SLC4A4: variants seen among roughly 807,000 people sequenced by gnomAD.
SLC4A4 encodes solute carrier family 4 member 4, also known as electrogenic sodium bicarbonate cotransporter 1.
SLC4A4 carries 27 observed loss-of-function variants against 111.5 expected under a neutral mutation model. The observed-to-expected ratio is 0.24, with a 90% CI of 0.18 to 0.33. The LOEUF (loss-of-function observed/expected upper bound fraction) is 0.33, where lower values mean the gene tolerates loss of function less well. Among genes scored for constraint, SLC4A4 ranks in the 10% least tolerant of loss-of-function variants. The pLI is 1.00. For synonymous variants in SLC4A4, 443 were observed against 463.4 expected (o/e 0.96, Z 0.57); for missense variants, 909 against 1,315.5 (o/e 0.69, Z 4.78).
rs1062679 is a variant in SLC4A4 at position 71,568,689 on chromosome 4, G to C, written c.*938G>C. 37,279 of 151,800 alleles carry C rather than the reference G, an allele frequency of 0.25. 4,884 individuals are homozygous for C. The highest frequency in any genetic ancestry group is 0.37 in the Admixed American group (5,651 of 15,138). 9.4% of individuals were successfully genotyped at this position (151,800 alleles called of 1,614,324 possible). A position where few individuals can be genotyped will look rare whatever the true frequency, so the allele number is the denominator to read the frequency against. On this transcript the variant is annotated 3_prime_UTR_variant, in exon 26 of 26. Transcript: ENST00000264485. ...TTCCTGCAGCAGGAAACATAGTTTTGAGTAGTTCTACCTCTTATTTGTAGC... is the reference window on the plus strand; with the variant it reads ...TTCCTGCAGCAGGAAACATAGTTTTCAGTAGTTCTACCTCTTATTTGTAGC...
At chr4:71,291,551 C>A (rs946538350) in intron 3 of SLC4A4, among the ~76,000 whole-genome samples, 1 of 151,962 alleles carries the variant, frequency 6.6e-6, no homozygotes, top group Non-Finnish European at 1.5e-5. Flanking sequence ...GCAATCCTCT[C>A]GTCTCAGCCT....
intron 3 of SLC4A4, among the ~76,000 whole-genome samples, chr4:71,317,043 A>G (rs893639737): frequency 4.0e-5 from 6 of 150,064 alleles, no homozygotes; most frequent in Non-Finnish European, 7.4e-5. Context: ...AAAGTTCTCT[A>G]GACAGGGCTG....
chr4:71,127,686 T>C (rs960094593), intron 2 of SLC4A4, among the ~76,000 whole-genome samples: 2 of 152,228 alleles, frequency 1.3e-5, no homozygotes, highest in African/African-American at 4.8e-5. Flanking sequence ...TAAGATATGT[T>C]ATATAAAGTA....
intron 15 of SLC4A4, among the ~76,000 whole-genome samples, chr4:71,491,253 T>A (rs1026875717): frequency 2.0e-5 from 3 of 151,876 alleles, no homozygotes; most frequent in Admixed American, 2.0e-4. Context: ...TCTAAATAAG[T>A]ACATCAACAA....
chr4:71,530,201 A>AT (rs1733797116), intron 16 of SLC4A4, among the ~76,000 whole-genome samples: 1 of 152,112 alleles, frequency 6.6e-6, no homozygotes, highest in Non-Finnish European at 1.5e-5. Context: ...ACAGTAGATC[A>AT]TTTAGTTATT....
At chr4:71,491,896 T>G (rs1010977902) in intron 15 of SLC4A4, among the ~76,000 whole-genome samples, 3 of 151,784 alleles carry the variant, frequency 2.0e-5, no homozygotes, top group African/African-American at 7.3e-5. Flanking sequence ...CCAGTTTCCA[T>G]GAACCTATTG....
intron 2 of SLC4A4, among the ~76,000 whole-genome samples, chr4:71,178,956 T>C (rs1578556054): frequency 1.3e-5 from 2 of 152,254 alleles, no homozygotes; most frequent in East Asian, 3.9e-4. Context: ...AAATCCTCAA[T>C]AAAATACTGG....
intron 2 of SLC4A4, among the ~76,000 whole-genome samples, chr4:71,157,049 G>C (rs1179853145): frequency 6.6e-6 from 1 of 152,096 alleles, no homozygotes; most frequent in Non-Finnish European, 1.5e-5. Context: ...ATTATGGCTG[G>C]ATTACTCATA....
intron 1 of SLC4A4, among the ~76,000 whole-genome samples, chr4:71,065,399 T>C (rs1741492620): frequency 7.2e-6 from 1 of 139,480 alleles, no homozygotes; most frequent in African/African-American, 2.5e-5. Flanking sequence ...TGTGAATTAT[T>C]GGGCCATATA....
At position 71,511,616 on chromosome 4, in the gene SLC4A4, A is replaced by G. The variant is rs76791764; in HGVS notation, c.2166+13924A>G. ...ATGTGTGAGATTTTGTTATATGTGT[A>G]TAACAAAAGGTTATAAGGGTATTAA... On this transcript the variant is annotated intron_variant, in intron 16 of 25. Coordinates refer to ENST00000264485, the MANE Select transcript of SLC4A4 (RefSeq NM_001098484.3). 6.0e-3 allele frequency among the ~76,000 whole-genome samples: 915 copies of G among 152,210 alleles called. 12 individuals are homozygous for G. The highest frequency in any genetic ancestry group is 0.021 in the African/African-American group (873 of 41,550).
chr4:71,495,295 T>G (rs2149145091), intron 15 of SLC4A4, among the ~76,000 whole-genome samples: 1 of 152,224 alleles, frequency 6.6e-6, no homozygotes, highest in South Asian at 2.1e-4. Context: ...GCAACTCTAG[T>G]TATAGAGAAG....
At chr4:71,491,024 A>T (rs1729852173) in intron 15 of SLC4A4, among the ~76,000 whole-genome samples, 1 of 101,286 alleles carries the variant, frequency 9.9e-6, no homozygotes. Flanking sequence ...TGAGTTTTTT[A>T]AAACTATGAT....
intron 1 of SLC4A4, among the ~76,000 whole-genome samples, chr4:71,089,637 T>A (rs961865976): frequency 2.0e-5 from 3 of 152,052 alleles, no homozygotes; most frequent in Non-Finnish European, 4.4e-5. Flanking sequence ...CAGGTGCAGG[T>A]CTTTTGGAGT....
At chr4:71,147,062 A>C (rs1744194374) in intron 2 of SLC4A4, among the ~76,000 whole-genome samples, 1 of 152,188 alleles carries the variant, frequency 6.6e-6, no homozygotes, top group Non-Finnish European at 1.5e-5. Context: ...AGCAAATGGA[A>C]AACAAAAAAA....
At chr4:71,418,656 A>G (rs1341785524) in intron 7 of SLC4A4, among the ~76,000 whole-genome samples, 1 of 152,212 alleles carries the variant, frequency 6.6e-6, no homozygotes, top group Non-Finnish European at 1.5e-5. Context: ...CATTTCCATT[A>G]ACAACAAAAC....
chr4:71,493,277 T>C (rs1170319961), intron 15 of SLC4A4, among the ~76,000 whole-genome samples: 1 of 152,040 alleles, frequency 6.6e-6, no homozygotes, highest in Non-Finnish European at 1.5e-5. Flanking sequence ...ATACTATTTG[T>C]TGTTTACCTG....
chr4:71,373,929 A>G (rs1305103979), intron 6 of SLC4A4, among the ~76,000 whole-genome samples: 2 of 152,104 alleles, frequency 1.3e-5, no homozygotes, highest in Non-Finnish European at 2.9e-5. Flanking sequence ...ATCATAGGAA[A>G]CCATTCATGG....
At chr4:71,271,363 TTACAGTACC>T (rs1722691211) in intron 3 of SLC4A4, among the ~76,000 whole-genome samples, 1 of 152,218 alleles carries the variant, frequency 6.6e-6, no homozygotes, top group Non-Finnish European at 1.5e-5. Flanking sequence ...GGTGCTCTTT[TTACAGTACC>T]TACAGTGATA....
chr4:71,241,303 CCT>C (rs1428286829), intron 2 of SLC4A4, among the ~76,000 whole-genome samples: 1 of 151,984 alleles, frequency 6.6e-6, no homozygotes, highest in Non-Finnish European at 1.5e-5. Context: ...GTCCTAAACA[CCT>C]CTGCTTTATC....
Sources: gnomAD v4.1 joint callset for allele counts (sites outside exome capture counted in the v4.1 genomes callset) on GRCh38, gnomAD v4.1.1 for gene constraint, MANE v1.5 for transcripts, NCBI Gene and HGNC (gene_info 2026-07-23, HGNC 2026-07-21) for gene names.